The following HDAC4 variants were observed in gnomAD, a reference collection of about 807,000 sequenced individuals.
HDAC4 encodes histone deacetylase A.
A neutral mutation model predicts 135.1 loss-of-function variants in HDAC4; 16 were observed. That is an observed-to-expected ratio of 0.12 (90% CI 0.08 to 0.18). The LOEUF is 0.18. Among genes scored for constraint, HDAC4 ranks in the 10% least tolerant of loss-of-function variants. HDAC4 has a pLI of 1.00. For synonymous variants in HDAC4, 685 were observed against 653.4 expected, an observed-to-expected ratio of 1.05 and a Z score of -0.74; for missense variants, 1,143 against 1,511.8, an observed-to-expected ratio of 0.76 and a Z score of 4.05.
intron 7 of HDAC4, among the ~76,000 whole-genome samples, chr2:239,149,679 C>T (rs948226290): frequency 2.6e-5 from 4 of 152,194 alleles, no homozygotes; most frequent in African/African-American, 9.6e-5. Flanking sequence ...GGGCACCAGC[C>T]ACCCTCGACT....
intron 3 of HDAC4, among the ~76,000 whole-genome samples, chr2:239,195,661 C>T (rs566557517): frequency 6.6e-6 from 1 of 152,224 alleles, no homozygotes; most frequent in Non-Finnish European, 1.5e-5. Context: ...AACAATAAAA[C>T]CTTCTCTCCT....
intron 22 of HDAC4, among the ~76,000 whole-genome samples, chr2:239,076,104 CG>C (rs1427198327): frequency 1.3e-5 from 2 of 152,004 alleles, no homozygotes; most frequent in Non-Finnish European, 2.9e-5. Flanking sequence ...CCTCAGCTTC[CG>C]GGGAAACAAA....
At chr2:239,149,273 A>ATG (rs2041956730) in intron 7 of HDAC4, among the ~76,000 whole-genome samples, 1 of 151,802 alleles carries the variant, frequency 6.6e-6, no homozygotes. Context: ...TGGTAGTGGC[A>ATG]CCTGTAGTCC....
At chr2:239,073,489 G>A (rs1051509564) in intron 22 of HDAC4, among the ~76,000 whole-genome samples, 4 of 152,238 alleles carry the variant, frequency 2.6e-5, no homozygotes, top group African/African-American at 9.6e-5. Flanking sequence ...ACAGTGCATC[G>A]GCGTGCGAGC....
At chr2:239,346,884 C>T (rs575024451) in intron 2 of HDAC4, among the ~76,000 whole-genome samples, 70 of 151,086 alleles carry the variant, frequency 4.6e-4, no homozygotes, top group African/African-American at 1.6e-3. Flanking sequence ...CACACCCTAA[C>T]ACACACACCC....
intron 1 of HDAC4, among the ~76,000 whole-genome samples, chr2:239,363,813 C>A (rs181775832): frequency 4.5e-4 from 68 of 152,298 alleles, no homozygotes; most frequent in African/African-American, 1.6e-3. Context: ...GACCCTGCCA[C>A]ACATACACCC....
At chr2:239,259,938 G>T (rs952417597) in intron 2 of HDAC4, among the ~76,000 whole-genome samples, 2 of 152,198 alleles carry the variant, frequency 1.3e-5, no homozygotes, top group Non-Finnish European at 2.9e-5. Context: ...GCATCTGACA[G>T]CCAGCTAAGG....
chr2:239,326,934 G>A (rs1038841810), intron 2 of HDAC4, among the ~76,000 whole-genome samples: 2 of 152,222 alleles, frequency 1.3e-5, no homozygotes, highest in African/African-American at 4.8e-5. Context: ...TACTGCTAAA[G>A]AGAAGTGCAC....
At chr2:239,130,811 G>A (rs1326953862) in intron 11 of HDAC4, among the ~76,000 whole-genome samples, 1 of 152,142 alleles carries the variant, frequency 6.6e-6, no homozygotes, top group Non-Finnish European at 1.5e-5. Context: ...CCTGTCTCTC[G>A]GGTCCTGACA....
At chr2:239,161,982 G>C (rs888663339) in intron 6 of HDAC4, 147 of 396,664 alleles carry the variant, frequency 3.7e-4, no homozygotes, top group Non-Finnish European at 9.2e-5. Context: ...CCACTGCCCG[G>C]CTTCTATTCC....
At chr2:239,131,714 C>T (rs751291673) in intron 11 of HDAC4, among the ~76,000 whole-genome samples, 3 of 152,220 alleles carry the variant, frequency 2.0e-5, no homozygotes, top group Admixed American at 1.3e-4. Flanking sequence ...TGGGACTTCA[C>T]TCCAGGCCAG....
chr2:239,053,271 T>C (rs542302422), intron 26 of HDAC4, 135 bp from the exon 27 acceptor site: 3 of 1,350,844 alleles, frequency 2.2e-6, no homozygotes, highest in South Asian at 1.3e-5. Context: ...CCCGGGTCCA[T>C]CTGTTCAGGA....
At chr2:239,180,803 C>T (rs752042056) in intron 4 of HDAC4, among the ~76,000 whole-genome samples, 6 of 152,328 alleles carry the variant, frequency 3.9e-5, no homozygotes, top group Middle Eastern at 3.4e-3. Context: ...AGGCAGAAAC[C>T]GCCTGCCCCA....
intron 3 of HDAC4, among the ~76,000 whole-genome samples, chr2:239,229,454 AT>A (rs2047419591): frequency 6.6e-6 from 1 of 152,148 alleles, no homozygotes; most frequent in Admixed American, 6.5e-5. Context: ...TTCTTTTCAG[AT>A]TTTTCAAATG....
intron 1 of HDAC4, among the ~76,000 whole-genome samples, chr2:239,360,904 C>T (rs1338777990): frequency 2.6e-5 from 4 of 152,176 alleles, no homozygotes; most frequent in East Asian, 1.9e-4. Context: ...CTGGGGCCAA[C>T]GCTGTCTGGG....
chr2:239,049,886 C>T lies in HDAC4; in HGVS notation c.*3211G>A, dbSNP rs1036981657. On this transcript the variant is annotated 3_prime_UTR_variant, in exon 27 of 27. Coordinates refer to ENST00000543185, the MANE Select transcript of HDAC4 (RefSeq NM_001378414.1). Reference sequence around the variant, plus strand: ...GAGGGCAGGGCAGACGCCAAGAGGCCCAGTGGCGTCATCAGGGTTTCCCTC... The same window carrying T: ...GAGGGCAGGGCAGACGCCAAGAGGCTCAGTGGCGTCATCAGGGTTTCCCTC... 2 of 152,548 alleles carry T rather than the reference C, an allele frequency of 1.3e-5. No individual in the cohort carries two copies. Among genetic ancestry groups the T allele is most frequent in the Admixed American group, 6.5e-5 (1 of 15,288 alleles). The allele number at this position is 152,548 out of a possible 1,614,324, so 9.4% of individuals were successfully genotyped here.
At chr2:239,056,891 CAGG>C (rs1292508135) in intron 24 of HDAC4, among the ~76,000 whole-genome samples, 4 of 152,206 alleles carry the variant, frequency 2.6e-5, no homozygotes, top group South Asian at 2.1e-4. Context: ...AGCACAGAAC[CAGG>C]AGAAGAAACT....
chr2:239,082,580 C>T (rs893138038), intron 20 of HDAC4, among the ~76,000 whole-genome samples: 13 of 152,220 alleles, frequency 8.5e-5, no homozygotes, highest in Non-Finnish European at 1.5e-4. Flanking sequence ...CTACACCTGC[C>T]GTGTCTCTGA....
At chr2:239,325,594 A>C (rs1354904255) in intron 2 of HDAC4, among the ~76,000 whole-genome samples, 1 of 152,242 alleles carries the variant, frequency 6.6e-6, no homozygotes, top group African/African-American at 2.4e-5. Context: ...ATGTGAAGAA[A>C]TTGGAACCCT....
Sources: gnomAD v4.1 joint callset for allele counts (sites outside exome capture counted in the v4.1 genomes callset) on GRCh38, gnomAD v4.1.1 for gene constraint, MANE v1.5 for transcripts, NCBI Gene and HGNC (gene_info 2026-07-23, HGNC 2026-07-21) for gene names.